PCBP3: variants seen among roughly 807,000 people sequenced by gnomAD.
PCBP3 encodes the protein poly(rC) binding protein 3, also known as poly(rC)-binding protein 3.
In PCBP3, 25 loss-of-function variants were observed where a neutral mutation model predicts 52.7. The ratio of observed to expected loss-of-function variants is 0.47; its 90% confidence interval spans 0.35 to 0.66. The LOEUF (loss-of-function observed/expected upper bound fraction) is 0.66. PCBP3 is among the 30% of genes least tolerant of loss of function. PCBP3 has a pLI of 0.01. For synonymous variants in PCBP3, 162 were observed against 183.0 expected (o/e 0.89, Z 0.93); for missense variants, 391 against 490.3 (o/e 0.80, Z 1.91).
chr21:45,833,514 G>T (rs1172092635), intron 4 of PCBP3, among the ~76,000 whole-genome samples: 1 of 152,246 alleles, frequency 6.6e-6, no homozygotes, highest in East Asian at 1.9e-4. Flanking sequence ...AGACTGTCTG[G>T]TTCCAGCCAA....
chr21:45,761,918 C>T (rs1164169455), intron 4 of PCBP3: 1 of 152,304 alleles, frequency 6.6e-6, no homozygotes, highest in African/African-American at 2.4e-5. Context: ...CTGATGGCAT[C>T]TTGTAACTGG....
At chr21:45,810,451 A>G (rs550864217) in intron 4 of PCBP3, among the ~76,000 whole-genome samples, 1 of 150,378 alleles carries the variant, frequency 6.6e-6, no homozygotes, top group South Asian at 2.1e-4. Flanking sequence ...TTTAATAGAG[A>G]TGAGGTTTTG....
rs139552941 is a variant in PCBP3 at position 45,780,241 on chromosome 21, G to A, written c.-126+24789G>A. On this transcript the variant is annotated intron_variant, in intron 4 of 17. Coordinates refer to ENST00000681687, the MANE Select transcript of PCBP3 (RefSeq NM_001384156.1). Reference sequence around the variant, plus strand: ...CCTAGTTATGACTTTCAAAGCATTCGTCTCAAAATACACACATTTATACAC... The same window carrying A: ...CCTAGTTATGACTTTCAAAGCATTCATCTCAAAATACACACATTTATACAC... Among the ~76,000 whole-genome samples the A allele has an allele frequency of 4.0e-3, 608 of 152,280 alleles. 6 individuals carry two copies. Among genetic ancestry groups the A allele is most frequent in the African/African-American group, 0.014 (575 of 41,542 alleles).
intron 4 of PCBP3, among the ~76,000 whole-genome samples, chr21:45,779,038 T>C (rs1378937501): frequency 6.6e-6 from 1 of 152,204 alleles, no homozygotes; most frequent in African/African-American, 2.4e-5. Context: ...ACTTGGTTCT[T>C]ATCCTCAGCT....
chr21:45,782,629 A>G (rs1358233494), intron 4 of PCBP3, among the ~76,000 whole-genome samples: 2 of 152,230 alleles, frequency 1.3e-5, no homozygotes, highest in Admixed American at 1.3e-4. Flanking sequence ...GAAGACATAA[A>G]GATCAGAGAT....
At position 45,837,871 on chromosome 21, in the gene PCBP3, C is replaced by A. The variant is rs2093624303; in HGVS notation, c.-125-12090C>A. On this transcript the variant is annotated intron_variant, in intron 4 of 17. Transcript: ENST00000681687. This position sits in a 1 kb window ranked among gnomAD's most constrained non-coding sequence, Gnocchi z 4.1. ...CCCCACCAGCCTTGCAGCTTGCTGT[C>A]AATATTCATTGATGGTCATTGCCTG... is the stretch of plus-strand genomic sequence containing the variant. 6.6e-6 allele frequency among the ~76,000 whole-genome samples: 1 copy of A among 152,178 alleles called. No individual in the cohort carries two copies. The highest frequency in any genetic ancestry group is 1.5e-5 in the Non-Finnish European group (1 of 68,038).
At chr21:45,822,340 G>A (rs2093165472) in intron 4 of PCBP3, among the ~76,000 whole-genome samples, 1 of 152,098 alleles carries the variant, frequency 6.6e-6, no homozygotes, top group Non-Finnish European at 1.5e-5. Context: ...CCGGTGTTCT[G>A]CGTTCTTTTA....
Position 45,829,612 on chromosome 21 carries a change from T to A in PCBP3, c.-125-20349T>A, listed in dbSNP as rs2093396164. 6.6e-6 allele frequency: 1 copy of A among 152,214 alleles called. No homozygotes were observed. Among genetic ancestry groups the A allele is most frequent in the South Asian group, 2.1e-4 (1 of 4,824 alleles). The allele number at this position is 152,214 out of a possible 1,614,324, so 9.4% of individuals were successfully genotyped here. A position where few individuals can be genotyped will look rare whatever the true frequency, so the allele number is the denominator to read the frequency against. On this transcript the variant is annotated intron_variant, in intron 4 of 17. Coordinates refer to ENST00000681687, the MANE Select transcript of PCBP3 (RefSeq NM_001384156.1). The surrounding 1 kb of genome is among the most constrained non-coding windows in gnomAD (Gnocchi z 5.2). ...CAGGAAGCTACTTTCCTTGTGCAAA[T>A]CCTGGGTTACTGGGTTTCCTCACCC... is the stretch of plus-strand genomic sequence containing the variant.
chr21:45,839,602 G>A (rs2093657104), intron 4 of PCBP3, among the ~76,000 whole-genome samples: 1 of 152,176 alleles, frequency 6.6e-6, no homozygotes, highest in African/African-American at 2.4e-5. Context: ...TTTCTCTTTA[G>A]TATCTTAAAT....
At chr21:45,856,769 A>G (rs2094314068) in intron 5 of PCBP3, among the ~76,000 whole-genome samples, 1 of 152,232 alleles carries the variant, frequency 6.6e-6, no homozygotes, top group African/African-American at 2.4e-5. Flanking sequence ...TCCTGAGAAC[A>G]TGTACCCAAG....
intron 2 of PCBP3, among the ~76,000 whole-genome samples, chr21:45,686,630 G>A (rs188388867): frequency 7.2e-5 from 11 of 152,068 alleles, no homozygotes; most frequent in Admixed American, 5.9e-4. Flanking sequence ...GTCCAAACAA[G>A]GATCTTAAAA....
intron 1 of PCBP3, among the ~76,000 whole-genome samples, chr21:45,650,969 A>G (rs1417879183): frequency 1.3e-5 from 2 of 152,190 alleles, no homozygotes; most frequent in Admixed American, 6.5e-5. Flanking sequence ...ACTCAGTCCA[A>G]TAGCACAAGG....
rs905158438 is a variant in PCBP3 at position 45,817,230 on chromosome 21, C to T, written c.-125-32731C>T. On this transcript the variant is annotated intron_variant, in intron 4 of 17. Coordinates refer to ENST00000681687, the MANE Select transcript of PCBP3 (RefSeq NM_001384156.1). The surrounding 1 kb of genome is among the most constrained non-coding windows in gnomAD (Gnocchi z 4.3). ...CACTATCCCTTCCTCTAGAACTTAA[C>T]GTTGTCCTCCTCCTAAGGTGTAGCC... is the stretch of plus-strand genomic sequence containing the variant. Among the ~76,000 whole-genome samples, 5 of 152,326 alleles carry T rather than the reference C, an allele frequency of 3.3e-5. No individual in the cohort carries two copies. The highest frequency in any genetic ancestry group is 6.8e-3 in the Middle Eastern group (2 of 294).
At chr21:45,940,227 G>A in intron 17 of PCBP3, 28 bp downstream of exon 17, 1 of 1,587,818 alleles carries the variant, frequency 6.3e-7, no homozygotes, top group East Asian at 2.3e-5. Flanking sequence ...GTCTCTGAGA[G>A]ACGCCCGGAA....
intron 13 of PCBP3, among the ~76,000 whole-genome samples, chr21:45,921,860 T>C (rs550663857): frequency 1.3e-5 from 2 of 152,140 alleles, no homozygotes; most frequent in South Asian, 4.2e-4. Context: ...CTTCGCCTGC[T>C]TTTCTCCAGC....
chr21:45,876,560 C>T (rs941898878), intron 5 of PCBP3, among the ~76,000 whole-genome samples: 1 of 152,118 alleles, frequency 6.6e-6, no homozygotes, highest in African/African-American at 2.4e-5. Flanking sequence ...GGATGGCCTC[C>T]GAATGCCGCC....
intron 5 of PCBP3, among the ~76,000 whole-genome samples, chr21:45,886,066 C>T (rs2095508850): frequency 6.6e-6 from 1 of 152,268 alleles, no homozygotes; most frequent in Admixed American, 6.5e-5. Flanking sequence ...CACTCGGCCT[C>T]TGCTGGTACC....
rs2093134612 is a variant in PCBP3 at position 45,821,448 on chromosome 21, C to T, written c.-125-28513C>T. Among the ~76,000 whole-genome samples the T allele has an allele frequency of 6.7e-6, 1 of 150,024 alleles. No individual in the cohort carries two copies. Among genetic ancestry groups the T allele is most frequent in the Non-Finnish European group, 1.5e-5 (1 of 67,400 alleles). ...CCTGCACCGTGCTGTGGGCCCCGCA[C>T]CTTCCCCCAACTCTTTTCTAGAACA... On this transcript the variant is annotated intron_variant, in intron 4 of 17. Coordinates refer to ENST00000681687, the MANE Select transcript of PCBP3 (RefSeq NM_001384156.1). This position sits in a 1 kb window ranked among gnomAD's most constrained non-coding sequence, Gnocchi z 4.4.
rs1483208167 is a variant in PCBP3, at chr21:45,704,415, G to A, written c.-199-30977G>A. On this transcript the variant is annotated intron_variant, in intron 2 of 17. Transcript: ENST00000681687. The surrounding 1 kb of genome is among the most constrained non-coding windows in gnomAD (Gnocchi z 4.1). ...CAGGAAGTTTTAAAATGCAGGACAT[G>A]CTATCCTCTGTTGCTGTGGTCTGCG... is the stretch of plus-strand genomic sequence containing the variant. Among the ~76,000 whole-genome samples the A allele has an allele frequency of 2.0e-5, 3 of 152,196 alleles. No individual in the cohort carries two copies. Among genetic ancestry groups the A allele is most frequent in the Non-Finnish European group, 4.4e-5 (3 of 68,040 alleles).
Sources: gnomAD v4.1 joint callset for allele counts (sites outside exome capture counted in the v4.1 genomes callset) on GRCh38, gnomAD v4.1.1 for gene constraint, Gnocchi (gnomAD v3.1) non-coding constraint, MANE v1.5 for transcripts, NCBI Gene and HGNC (gene_info 2026-07-23, HGNC 2026-07-21) for gene names.